BCAS3: variants seen among roughly 807,000 people sequenced by gnomAD.
The protein encoded by BCAS3 is BCAS4/BCAS3 fusion.
A neutral mutation model predicts 116.1 loss-of-function variants in BCAS3; 53 were observed. The ratio of observed to expected loss-of-function variants is 0.46; its 90% CI spans 0.37 to 0.57. The LOEUF (loss-of-function observed/expected upper bound fraction) is 0.57, where lower values mean the gene tolerates loss of function less well. Ranked by LOEUF, BCAS3 falls within the 20% of genes least tolerant of loss-of-function variation. The probability of loss-of-function intolerance (pLI) is 0.00; values close to 1 mark genes in which losing one functional copy is unlikely to be tolerated. For synonymous variants in BCAS3, 391 were observed against 408.2 expected (o/e 0.96, Z 0.51); for missense variants, 917 against 1,165.4 (o/e 0.79, Z 3.10).
In BCAS3 at chr17:60,975,237, A is replaced by G. The variant is rs373489844; in HGVS notation, c.1222-14734A>G. Among the ~76,000 whole-genome samples, 16 of 151,284 alleles carry G rather than the reference A, an allele frequency of 1.1e-4. No individual in the cohort carries two copies. The East Asian group carries it at 1.8e-3, about 17-fold the overall frequency. On this transcript the variant is annotated intron_variant, in intron 14 of 23. Coordinates refer to ENST00000407086, the MANE Select transcript of BCAS3 (RefSeq NM_017679.5). ...AGGATGGTCTCGATCTCCTGACCTC[A>G]TGATCCACCCGCCTCGGCCTCCCAA...
intron 22 of BCAS3, among the ~76,000 whole-genome samples, chr17:61,101,565 G>A (rs1488330989): frequency 6.6e-6 from 1 of 152,048 alleles, no homozygotes; most frequent in African/African-American, 2.4e-5. Flanking sequence ...AAATGGACCT[G>A]ACACCTTGAT....
rs1422244872 is a variant in BCAS3 at position 61,379,178 on chromosome 17, C to T, written c.2593+10684C>T. On this transcript the variant is annotated intron_variant, in intron 23 of 23. Coordinates refer to ENST00000407086, the MANE Select transcript of BCAS3 (RefSeq NM_017679.5). The surrounding 1 kb of genome is among the most constrained non-coding windows in gnomAD (Gnocchi z 5.5). ...CAAAAGGGAGGATTTCTCCCTGTTC[C>T]TCCTCCTCTGCCACAGTATTGACTG... The T allele has an allele frequency of 6.6e-6, 1 of 152,252 alleles. No individual in the cohort carries two copies. The highest frequency in any genetic ancestry group is 1.5e-5 in the Non-Finnish European group (1 of 68,078). The allele number at this position is 152,252 out of a possible 1,614,324, so 9.4% of individuals were successfully genotyped here.
intron 6 of BCAS3, among the ~76,000 whole-genome samples, chr17:60,779,370 CT>C (rs374528469): frequency 2.0e-3 from 285 of 140,834 alleles, no homozygotes; most frequent in Non-Finnish European, 1.9e-3. Context: ...TATTTTCTTT[CT>C]TTTTTTTTTT....
chr17:60,874,775 G>T, intron 9 of BCAS3, 37 bp downstream of exon 9: 2 of 1,328,838 alleles, frequency 1.5e-6, no homozygotes, highest in South Asian at 1.3e-5. Flanking sequence ...TATGCCTTTG[G>T]GTTTATACTA....
intron 7 of BCAS3, among the ~76,000 whole-genome samples, chr17:60,843,543 T>C (rs374199114): frequency 6.5e-4 from 99 of 152,272 alleles, no homozygotes; most frequent in Middle Eastern, 3.4e-3. Flanking sequence ...AAGTTAAGAA[T>C]ATATCCCATC....
chr17:60,847,041 C>G (rs1021272957), intron 7 of BCAS3, among the ~76,000 whole-genome samples: 8 of 152,164 alleles, frequency 5.3e-5, no homozygotes, highest in African/African-American at 1.9e-4. Context: ...TTGACCTGTT[C>G]TGGGTATTTC....
At chr17:60,723,711 C>CTTTTTTTTTTT (rs549083159) in intron 5 of BCAS3, among the ~76,000 whole-genome samples, 32 of 88,894 alleles carry the variant, frequency 3.6e-4, no homozygotes, top group Non-Finnish European at 5.3e-4. Context: ...CACTTTCTTT[C>CTTTTTTTTTTT]TTTTTTTTTT....
At chr17:61,103,353 A>G (rs1332569091) in intron 22 of BCAS3, among the ~76,000 whole-genome samples, 4 of 152,100 alleles carry the variant, frequency 2.6e-5, no homozygotes, top group Non-Finnish European at 5.9e-5. Context: ...AGTATTCATC[A>G]CTGTGGCTTT....
At chr17:61,042,914 A>AAAAAAAC (rs2067659522) in intron 19 of BCAS3, among the ~76,000 whole-genome samples, 1 of 149,034 alleles carries the variant, frequency 6.7e-6, no homozygotes, top group African/African-American at 2.5e-5. Context: ...AAAAAAAAAA[A>AAAAAAAC]AGAAAGAAAG....
chr17:61,216,647 G>A (rs28587802), intron 22 of BCAS3, among the ~76,000 whole-genome samples: 1 of 151,494 alleles, frequency 6.6e-6, no homozygotes, highest in African/African-American at 2.4e-5. Context: ...GGGTTCAAGC[G>A]ATTCTCCTGC....
intron 22 of BCAS3, among the ~76,000 whole-genome samples, chr17:61,221,265 A>G (rs1252315526): frequency 1.3e-5 from 2 of 152,142 alleles, no homozygotes; most frequent in Admixed American, 6.5e-5. Context: ...ACTTCCTTCT[A>G]ATGTTAGAGA....
intron 14 of BCAS3, among the ~76,000 whole-genome samples, chr17:60,957,453 C>G (rs1032129760): frequency 6.6e-6 from 1 of 152,110 alleles, no homozygotes; most frequent in African/African-American, 2.4e-5. Flanking sequence ...TTTTGTGAAT[C>G]TAGCAACCCT....
At chr17:60,692,806 A>AATCGTTTGAACCCAGGAGGTGGAGG (rs58611081) in intron 4 of BCAS3, among the ~76,000 whole-genome samples, 119,954 of 148,438 alleles carry the variant, frequency 0.81, 54,436 homozygotes, top group Non-Finnish European at 0.99. Context: ...TGAGGAGGAG[A>AATCGTTTGAACCCAGGAGGTGGAGG]ATCGTTTGAA....
At chr17:61,330,938 A>G (rs2056224591) in intron 22 of BCAS3, among the ~76,000 whole-genome samples, 1 of 152,160 alleles carries the variant, frequency 6.6e-6, no homozygotes, top group Non-Finnish European at 1.5e-5. Flanking sequence ...CCATCTCTCT[A>G]CTAGGTCAGG....
At chr17:61,043,541 ACGTTCTCCCCAT>A (rs2067722078) in intron 19 of BCAS3, among the ~76,000 whole-genome samples, 1 of 151,968 alleles carries the variant, frequency 6.6e-6, no homozygotes, top group Admixed American at 6.6e-5. Flanking sequence ...TGGAGTTGTC[ACGTTCTCCCCAT>A]GTCTGTGTGG....
At chr17:61,102,445 T>C (rs1165942697) in intron 22 of BCAS3, among the ~76,000 whole-genome samples, 1 of 152,172 alleles carries the variant, frequency 6.6e-6, no homozygotes, top group East Asian at 1.9e-4. Context: ...CATTATCACC[T>C]GTATTCACAA....
At chr17:61,138,638 A>C (rs1474945273) in intron 22 of BCAS3, among the ~76,000 whole-genome samples, 1 of 152,224 alleles carries the variant, frequency 6.6e-6, no homozygotes, top group Non-Finnish European at 1.5e-5. Flanking sequence ...ATAAAAGGAT[A>C]AATGTGGTAT....
rs2076317737 is a variant in BCAS3 at position 61,131,124 on chromosome 17, G to A, written c.2425+46560G>A. Among the ~76,000 whole-genome samples the A allele has an allele frequency of 6.6e-6, 1 of 152,042 alleles. No homozygotes were observed. Among genetic ancestry groups the A allele is most frequent in the African/African-American group, 2.4e-5 (1 of 41,412 alleles). On this transcript the variant is annotated intron_variant, in intron 22 of 23. Transcript: ENST00000407086. This position sits in a 1 kb window ranked among gnomAD's most constrained non-coding sequence, Gnocchi z 4.4. The stretch of plus-strand genomic sequence containing the variant: ...GTAAACTCTGCCACTACCTAGCTAG[G>A]TTGACCTTTAACAAGTCTATTTAAC...
chr17:60,924,305 T>G, intron 12 of BCAS3, 102 bp from the exon 13 acceptor site: 1 of 895,882 alleles, frequency 1.1e-6, no homozygotes, highest in Non-Finnish European at 1.8e-6. Flanking sequence ...AGTGGAAACA[T>G]GTTATTTGGT....
Sources: allele counts gnomAD v4.1 joint callset (sites outside exome capture counted in the v4.1 genomes callset), GRCh38; gene constraint gnomAD v4.1.1; non-coding constraint Gnocchi (gnomAD v3.1); transcripts MANE v1.5; gene names NCBI Gene and HGNC (gene_info 2026-07-23, HGNC 2026-07-21).